The following TANC2 variants were observed in gnomAD, a reference collection of about 807,000 sequenced individuals.
TANC2 encodes protein TANC2.
In TANC2, 26 loss-of-function variants were observed where a neutral mutation model predicts 210.5. The observed-to-expected ratio is 0.12, with a 90% confidence interval of 0.09 to 0.17. The LOEUF (loss-of-function observed/expected upper bound fraction) is 0.17. Ranked by LOEUF, TANC2 falls within the 10% of genes least tolerant of loss-of-function variation. The pLI, the probability that TANC2 is intolerant of heterozygous loss-of-function variation, is 1.00. For missense variants in TANC2, 2,129 were observed against 2,608.9 expected (o/e 0.82, Z 4.01); for synonymous variants, 931 against 967.1 (o/e 0.96, Z 0.69).
chr17:63,352,807 AC>A (rs1470970946), intron 13 of TANC2, among the ~76,000 whole-genome samples: 57 of 151,742 alleles, frequency 3.8e-4, no homozygotes, highest in Admixed American at 3.7e-3. Context: ...ATTTCCACAA[AC>A]ATTTCTTAAG....
intron 9 of TANC2, among the ~76,000 whole-genome samples, chr17:63,279,869 G>GA (rs1233479375): frequency 6.6e-6 from 1 of 152,042 alleles, no homozygotes; most frequent in African/African-American, 2.4e-5. Flanking sequence ...CTTAGATTGA[G>GA]AATCATCAGC....
chr17:63,341,760 A>G (rs2046235697), intron 12 of TANC2, among the ~76,000 whole-genome samples: 1 of 152,222 alleles, frequency 6.6e-6, no homozygotes, highest in East Asian at 1.9e-4. Flanking sequence ...AAGTTTTATA[A>G]AACACTTCTC....
chr17:63,319,714 T>C (rs914591456), intron 11 of TANC2, among the ~76,000 whole-genome samples: 14 of 152,228 alleles, frequency 9.2e-5, no homozygotes, highest in African/African-American at 3.1e-4. Flanking sequence ...TTTTCATTCC[T>C]AGCTTAAAAC....
chr17:63,283,289 T>C (rs1284567976), intron 9 of TANC2, among the ~76,000 whole-genome samples: 2 of 152,010 alleles, frequency 1.3e-5, no homozygotes, highest in African/African-American at 4.8e-5. Flanking sequence ...GATATATAGT[T>C]CTATTTCTGG....
At chr17:63,062,267 C>T (rs947278131) in intron 2 of TANC2, among the ~76,000 whole-genome samples, 1 of 152,096 alleles carries the variant, frequency 6.6e-6, no homozygotes, top group Admixed American at 6.6e-5. Context: ...CTCCACATAG[C>T]TTTCTCTTTT....
Position 63,237,701 on chromosome 17 carries a change from C to T in TANC2, c.770-113C>T, listed in dbSNP as rs1421951799. 3 of 1,123,182 alleles carry T rather than the reference C, an allele frequency of 2.7e-6. No individual in the cohort carries two copies. In the African/African-American group the frequency reaches 4.8e-5, roughly 18 times the overall value. 69.6% of individuals were successfully genotyped at this position (1,123,182 alleles called of 1,614,324 possible). On this transcript the variant is annotated intron_variant, in intron 7 of 27. Transcript: ENST00000689528. ...TATGGCAATCCAGTTTTTCTAGCAC[C>T]ATTTTTTGAAAATGGTGTCCTTTCC...
rs1039810268 is a variant in TANC2 at position 63,009,496 on chromosome 17, A to T, written c.-23-41A>T. 17 of 1,444,218 alleles carry T rather than the reference A, an allele frequency of 1.2e-5. No homozygotes were observed. In the African/African-American group the frequency reaches 2.2e-4, roughly 19 times the overall value. 89.5% of individuals were successfully genotyped at this position (1,444,218 alleles called of 1,614,324 possible). A position where few individuals can be genotyped will look rare whatever the true frequency, so the allele number is the denominator to read the frequency against. ...AGTCACCCTCTTATGCTATGAAAAT[A>T]AAGTTTTCTTAAACACATTTTCCTA... is the stretch of plus-strand genomic sequence containing the variant. On this transcript the variant is annotated intron_variant, in intron 1 of 27. Coordinates refer to ENST00000689528, the Ensembl canonical transcript of TANC2.
chr17:62,972,934 G>A (rs546650229), intron 1 of TANC2, among the ~76,000 whole-genome samples: 2 of 152,122 alleles, frequency 1.3e-5, no homozygotes, highest in African/African-American at 4.8e-5. Flanking sequence ...AATGTCTTCC[G>A]AGTGAAGAAG....
intron 2 of TANC2, among the ~76,000 whole-genome samples, chr17:63,022,588 C>A (rs1005652261): frequency 3.9e-5 from 6 of 152,142 alleles, no homozygotes; most frequent in Non-Finnish European, 8.8e-5. Context: ...GACCTGATGA[C>A]CAGTTACTAA....
intron 5 of TANC2, among the ~76,000 whole-genome samples, chr17:63,193,351 AATACACAT>A (rs1380615065): frequency 6.6e-6 from 1 of 152,182 alleles, no homozygotes; most frequent in Non-Finnish European, 1.5e-5. Context: ...AATACACAAA[AATACACAT>A]ATACCCTATC....
chr17:63,375,720 G>T (rs2047403334), intron 14 of TANC2, among the ~76,000 whole-genome samples: 1 of 152,166 alleles, frequency 6.6e-6, no homozygotes, highest in Non-Finnish European at 1.5e-5. Flanking sequence ...TTGTATTGTT[G>T]TCTAACTTCC....
chr17:63,255,055 TA>T (rs2043148868), intron 8 of TANC2, among the ~76,000 whole-genome samples: 1 of 143,148 alleles, frequency 7.0e-6, no homozygotes, highest in Non-Finnish European at 1.5e-5. Context: ...TGGGAATAGT[TA>T]TTTTTTATTT....
In TANC2 at chr17:63,418,270, C is replaced by T. The variant is rs1337851615; in HGVS notation, c.4168-37C>T. The T allele has an allele frequency of 1.3e-6, 2 of 1,565,492 alleles. No homozygotes were observed. The highest frequency in any genetic ancestry group is 1.7e-6 in the Non-Finnish European group (2 of 1,144,138). On this transcript the variant is annotated intron_variant, in intron 26 of 27. Transcript: ENST00000689528. The surrounding 1 kb of genome is among the most constrained non-coding windows in gnomAD (Gnocchi z 4.6). ...CCCAAGTTGTCTATTTTTTATATCT[C>T]ATCAATGACTCATTTGCACACCTAT...
chr17:63,324,921 G>A (rs1221924070), intron 11 of TANC2, among the ~76,000 whole-genome samples: 1 of 151,946 alleles, frequency 6.6e-6, no homozygotes, highest in Non-Finnish European at 1.5e-5. Context: ...TTTGTTTTTT[G>A]CTACTTAAAG....
chr17:63,405,669 A>C (rs2048481250), intron 20 of TANC2, among the ~76,000 whole-genome samples: 1 of 152,228 alleles, frequency 6.6e-6, no homozygotes, highest in African/African-American at 2.4e-5. Flanking sequence ...GATAAATGTT[A>C]ATTTATACAC....
intron 17 of TANC2, among the ~76,000 whole-genome samples, chr17:63,394,637 C>T (rs2048096404): frequency 6.6e-6 from 1 of 152,228 alleles, no homozygotes. Flanking sequence ...ATGTGCCCTA[C>T]TCTTACAAAA....
At chr17:63,088,050 A>G (rs186765764) in intron 3 of TANC2, 71 of 152,314 alleles carry the variant, frequency 4.7e-4, no homozygotes, top group African/African-American at 1.4e-3. Context: ...GTTGTATTCA[A>G]TGAGAGAGAC....
At chr17:63,267,769 A>G in exon 9 of TANC2, 2 of 1,612,888 alleles carry the variant, frequency 1.2e-6, no homozygotes, top group East Asian at 4.5e-5. Context: ...GCCCACTTGG[A>G]AGACCTTGCT....
chr17:63,281,863 G>A (rs938593761), intron 9 of TANC2, among the ~76,000 whole-genome samples: 1 of 152,094 alleles, frequency 6.6e-6, no homozygotes, highest in African/African-American at 2.4e-5. Context: ...GAGTGATAGA[G>A]CTGTATAAGC....
Sources: allele counts gnomAD v4.1 joint callset (sites outside exome capture counted in the v4.1 genomes callset), GRCh38; gene constraint gnomAD v4.1.1; non-coding constraint Gnocchi (gnomAD v3.1); transcripts MANE v1.5; gene names NCBI Gene and HGNC (gene_info 2026-07-23, HGNC 2026-07-21).